Variants in SLX4IP observed in about 807,000 individuals in gnomAD.
SLX4IP encodes the protein SLX4 interacting protein.
In SLX4IP, 34 loss-of-function variants were observed where a neutral mutation model predicts 32.9. The ratio of observed to expected loss-of-function variants is 1.03; its 90% CI spans 0.79 to 1.38. The LOEUF is 1.38. Ranked by LOEUF, SLX4IP falls within the 40% of genes most tolerant of loss-of-function variation. SLX4IP has a pLI of 0.00. For synonymous variants in SLX4IP, 172 were observed against 171.7 expected (o/e 1.00, Z -0.01); for missense variants, 444 against 479.0 (o/e 0.93, Z 0.68).
chr20:10,606,961 G>A (rs1207568907), intron 6 of SLX4IP, among the ~76,000 whole-genome samples: 1 of 152,088 alleles, frequency 6.6e-6, no homozygotes, highest in African/African-American at 2.4e-5. Flanking sequence ...CTGTATGGTA[G>A]GATGCATTGT....
At chr20:10,614,994 T>C (rs900044868) in intron 6 of SLX4IP, among the ~76,000 whole-genome samples, 4 of 152,142 alleles carry the variant, frequency 2.6e-5, no homozygotes, top group Non-Finnish European at 4.4e-5. Flanking sequence ...ATTGATCACG[T>C]ACTATAATGA....
intron 5 of SLX4IP, 35 bp downstream of exon 5, chr20:10,598,787 C>T: frequency 6.3e-7 from 1 of 1,593,846 alleles, no homozygotes; most frequent in Non-Finnish European, 8.6e-7. Flanking sequence ...TCAGACATTT[C>T]ACACAATCTG....
At position 10,560,691 on chromosome 20, in the gene SLX4IP, T is replaced by C. The variant is rs200510882; in HGVS notation, c.118-9T>C. 1.7e-5 allele frequency: 26 copies of C among 1,543,150 alleles called. No individual in the cohort carries two copies. In the Admixed American group the frequency reaches 2.4e-4, roughly 14 times the overall value. ...TTGAAGGTTATATCTAATTTTTTAT[T>C]TGCTTTAGGAAGTCTGTTTACTGTT... On this transcript the variant is annotated splice_polypyrimidine_tract_variant and intron_variant, in intron 3 of 7. Transcript: ENST00000334534.
chr20:10,534,455 A>G (rs2122469221), intron 2 of SLX4IP, among the ~76,000 whole-genome samples: 1 of 152,246 alleles, frequency 6.6e-6, no homozygotes, highest in Admixed American at 6.5e-5. Flanking sequence ...TTTCAAAAAG[A>G]GGTACATGAT....
At chr20:10,468,893 T>C (rs544118137) in intron 2 of SLX4IP, among the ~76,000 whole-genome samples, 1 of 152,286 alleles carries the variant, frequency 6.6e-6, no homozygotes, top group Admixed American at 6.5e-5. Context: ...GAAGGAGCTG[T>C]CCTATGCTTC....
chr20:10,524,368 A>T (rs2065925159), intron 2 of SLX4IP, among the ~76,000 whole-genome samples: 1 of 152,164 alleles, frequency 6.6e-6, no homozygotes, highest in Admixed American at 6.5e-5. Flanking sequence ...AGGCATAGCC[A>T]TGCAGGGAGA....
Position 10,598,693 on chromosome 20 carries a change from C to T in SLX4IP, c.257C>T (p.Thr86Ile), listed in dbSNP as rs1417493307. The T allele has an allele frequency of 6.2e-7, 1 of 1,614,030 alleles. No homozygotes were observed. Among genetic ancestry groups the T allele is most frequent in the Non-Finnish European group, 8.5e-7 (1 of 1,180,008 alleles). ...TTTCCAGGTTATGGCTTTCAAATCACAGCCTATTTCCTCAAGAGAGGGATA... is the reference window on the plus strand; with the variant it reads ...TTTCCAGGTTATGGCTTTCAAATCATAGCCTATTTCCTCAAGAGAGGGATA... ...LSLKGYGFQITAYFLKRGIRL... is the reference protein window; with the variant it reads ...LSLKGYGFQIIAYFLKRGIRL... The change falls in exon 5 of 8, where the codon ACA (threonine) becomes ATA (isoleucine). Residue 86 changes from threonine to isoleucine, a missense_variant. Coordinates refer to ENST00000334534, the MANE Select transcript of SLX4IP (RefSeq NM_001009608.3).
chr20:10,546,315 C>G lies in SLX4IP; in HGVS notation c.28-9916C>G, dbSNP rs539199092. On this transcript the variant is annotated intron_variant, in intron 2 of 7. Transcript: ENST00000334534. The stretch of plus-strand genomic sequence containing the variant: ...TGCAGAAATATGTAAGAGGAGAGTT[C>G]ATAGTTTTACTTGTAATGTGGTGTG... 2.0e-5 allele frequency among the ~76,000 whole-genome samples: 3 copies of G among 152,306 alleles called. No homozygotes were observed. In the South Asian group the frequency reaches 6.2e-4, roughly 32 times the overall value.
intron 2 of SLX4IP, among the ~76,000 whole-genome samples, chr20:10,537,827 T>A (rs1017149450): frequency 2.6e-5 from 4 of 152,240 alleles, no homozygotes; most frequent in African/African-American, 9.6e-5. Flanking sequence ...TCATTTAGAT[T>A]TTGACAAAAG....
chr20:10,440,288 C>G (rs867530806), intron 1 of SLX4IP, among the ~76,000 whole-genome samples: 2 of 152,048 alleles, frequency 1.3e-5, no homozygotes, highest in Non-Finnish European at 2.9e-5. Flanking sequence ...AACCCTGTCT[C>G]TACTAAAAAT....
chr20:10,530,271 T>C (rs564896088), intron 2 of SLX4IP, among the ~76,000 whole-genome samples: 2 of 152,326 alleles, frequency 1.3e-5, no homozygotes, highest in South Asian at 2.1e-4. Context: ...GTGTTTCTGG[T>C]ATGAGTTTGT....
rs1555805264 is a variant in SLX4IP at position 10,453,307 on chromosome 20, C to CGTGTGTGT, written c.-29-4850_-29-4843dup. 4.9e-5 allele frequency among the ~76,000 whole-genome samples: 7 copies of CGTGTGTGT among 142,966 alleles called. No individual in the cohort carries two copies. The East Asian group carries it at 6.4e-4, about 13-fold the overall frequency. The allele number at this position is 142,966 out of a possible 152,430, so 93.8% of individuals were successfully genotyped here. A position where few individuals can be genotyped will look rare whatever the true frequency, so the allele number is the denominator to read the frequency against. ...CTCCACGAGTTGTCTAAAACTCATCCGTGTGTGTGTGTGTGTGTGTGTGTG... is the reference window on the plus strand; with the variant it reads ...CTCCACGAGTTGTCTAAAACTCATCCGTGTGTGTGTGTGTGTGTGTGTGTGTGTGTGTG... On this transcript the variant is annotated intron_variant, in intron 1 of 7. Transcript: ENST00000334534.
At chr20:10,560,846 G>A (rs2066324904) in intron 4 of SLX4IP, 26 bp downstream of exon 4, 4 of 1,538,426 alleles carry the variant, frequency 2.6e-6, no homozygotes, top group African/African-American at 1.4e-5. Flanking sequence ...TTTGATTTTG[G>A]ACAAAAAATA....
At chr20:10,469,567 A>G (rs1360217506) in intron 2 of SLX4IP, among the ~76,000 whole-genome samples, 1 of 152,158 alleles carries the variant, frequency 6.6e-6, no homozygotes, top group Non-Finnish European at 1.5e-5. Flanking sequence ...TTTCCAACAT[A>G]TGTACAAAGC....
intron 2 of SLX4IP, among the ~76,000 whole-genome samples, chr20:10,524,961 T>G (rs997245944): frequency 1.3e-5 from 2 of 152,180 alleles, no homozygotes; most frequent in Non-Finnish European, 2.9e-5. Context: ...GCCACTTAAC[T>G]AGTATCATTG....
intron 4 of SLX4IP, among the ~76,000 whole-genome samples, chr20:10,577,728 A>T (rs2066537836): frequency 6.6e-6 from 1 of 152,198 alleles, no homozygotes; most frequent in Non-Finnish European, 1.5e-5. Context: ...CTCTTTAATG[A>T]TAATAAGAAA....
intron 6 of SLX4IP, among the ~76,000 whole-genome samples, chr20:10,602,176 G>A (rs750192774): frequency 2.0e-5 from 3 of 152,180 alleles, no homozygotes; most frequent in Non-Finnish European, 4.4e-5. Flanking sequence ...GGCTTTCATT[G>A]GGGTCAGTGG....
At chr20:10,499,115 T>A (rs1459664751) in intron 2 of SLX4IP, among the ~76,000 whole-genome samples, 1 of 152,202 alleles carries the variant, frequency 6.6e-6, no homozygotes, top group East Asian at 1.9e-4. Flanking sequence ...AGTGATCTTA[T>A]TAACTTCTTT....
chr20:10,441,489 C>G (rs879753223), intron 1 of SLX4IP, among the ~76,000 whole-genome samples: 1 of 152,052 alleles, frequency 6.6e-6, no homozygotes, highest in Admixed American at 6.6e-5. Context: ...AGTAAAGCAT[C>G]CCATGCAGTG....
Sources: allele counts gnomAD v4.1 joint callset (sites outside exome capture counted in the v4.1 genomes callset), GRCh38; gene constraint gnomAD v4.1.1; transcripts MANE v1.5; gene names NCBI Gene and HGNC (gene_info 2026-07-23, HGNC 2026-07-21).